CSTF3: variants seen among roughly 807,000 people sequenced by gnomAD.
The protein encoded by CSTF3 is cleavage stimulation factor subunit 3, also known as CF-1 77 kDa subunit.
A neutral mutation model predicts 105.8 loss-of-function variants in CSTF3; 29 were observed. That is an observed-to-expected ratio of 0.27 (90% CI 0.20 to 0.37). The LOEUF is 0.37. Among genes scored for constraint, CSTF3 ranks in the 10% least tolerant of loss-of-function variants. The pLI is 1.00. For synonymous variants in CSTF3, 252 were observed against 281.9 expected (o/e 0.89, Z 1.06); for missense variants, 357 against 879.3 (o/e 0.41, Z 7.51).
Position 33,099,765 on chromosome 11 carries a change from T to G in CSTF3, c.827-48A>C, listed in dbSNP as rs1323969339. ...AATATTCAATTAAAATAATTATTAT[T>G]TGTAAAACTATCAATGTAAATATCA... On this transcript the variant is annotated intron_variant, in intron 10 of 20. Transcript: ENST00000323959. The surrounding 1 kb of genome is among the most constrained non-coding windows in gnomAD (Gnocchi z 4.1). 8.4e-7 allele frequency: 1 copy of G among 1,193,580 alleles called. No individual in the cohort carries two copies. The highest frequency in any genetic ancestry group is 2.7e-5 in the East Asian group (1 of 37,368). 73.9% of individuals were successfully genotyped at this position (1,193,580 alleles called of 1,614,324 possible).
chr11:33,146,269 C>A (rs1383652487), intron 1 of CSTF3, among the ~76,000 whole-genome samples: 2 of 151,818 alleles, frequency 1.3e-5, no homozygotes, highest in Non-Finnish European at 2.9e-5. Flanking sequence ...AGAAACTGAT[C>A]AACGTTTAAT....
intron 15 of CSTF3, among the ~76,000 whole-genome samples, chr11:33,094,054 C>A (rs575050717): frequency 6.6e-6 from 1 of 152,170 alleles, no homozygotes; most frequent in Non-Finnish European, 1.5e-5. Flanking sequence ...CTAGTGACTA[C>A]CATAATTGTG....
intron 3 of CSTF3, among the ~76,000 whole-genome samples, chr11:33,136,853 AC>A (rs1262484391): frequency 6.6e-6 from 1 of 151,760 alleles, no homozygotes; most frequent in East Asian, 1.9e-4. Context: ...TGACTATAAT[AC>A]CCAATATTTT....
chr11:33,134,829 T>C lies in CSTF3; in HGVS notation c.225+6838A>G, dbSNP rs867092540. On this transcript the variant is annotated intron_variant, in intron 3 of 20. Coordinates refer to ENST00000323959, the MANE Select transcript of CSTF3 (RefSeq NM_001326.3). ...CTCAGAAATGGACTGAACCTGACTA[T>C]AGTAAGTTAGAAATAACTGGTTATT... Among the ~76,000 whole-genome samples, 13 of 152,204 alleles carry C rather than the reference T, an allele frequency of 8.5e-5. No homozygotes were observed. In the South Asian group the frequency reaches 2.5e-3, roughly 29 times the overall value.
intron 8 of CSTF3, 41 bp from the exon 9 acceptor site, chr11:33,103,225 C>T: frequency 2.1e-6 from 2 of 957,834 alleles, no homozygotes; most frequent in South Asian, 3.4e-5. Context: ...AGTATAGTTT[C>T]TTAAAAATTA....
chr11:33,098,631 A>T (rs1855248613), intron 13 of CSTF3, 59 bp downstream of exon 13: 4 of 1,002,986 alleles, frequency 4.0e-6, no homozygotes, highest in Non-Finnish European at 6.1e-6. Flanking sequence ...ATAAATTTAA[A>T]TTATTTTTTG....
intron 8 of CSTF3, among the ~76,000 whole-genome samples, chr11:33,104,729 C>T: frequency 6.6e-6 from 1 of 152,140 alleles, no homozygotes; most frequent in East Asian, 1.9e-4. Flanking sequence ...TGTGCCACTG[C>T]ATTCCAGCCT....
At chr11:33,130,885 C>T (rs1314329853) in intron 3 of CSTF3, among the ~76,000 whole-genome samples, 6 of 152,014 alleles carry the variant, frequency 3.9e-5, no homozygotes, top group South Asian at 2.1e-4. Context: ...AAAAATTAGC[C>T]GGGTGTGGTG....
At chr11:33,124,058 A>C (rs867887586) in intron 3 of CSTF3, among the ~76,000 whole-genome samples, 1 of 152,170 alleles carries the variant, frequency 6.6e-6, no homozygotes, top group South Asian at 2.1e-4. Flanking sequence ...TTTGCAAAAA[A>C]TGTACAAATA....
chr11:33,090,548 T>C lies in CSTF3; in HGVS notation c.1625A>G (p.Lys542Arg). 1 of 1,595,616 alleles carries C rather than the reference T, an allele frequency of 6.3e-7. No homozygotes were observed. The highest frequency in any genetic ancestry group is 8.5e-7 in the Non-Finnish European group (1 of 1,173,634). Residue 542 changes from lysine (K) to arginine (R), a missense_variant, in exon 17 of 21, where the codon AAA becomes AGA. By Grantham distance (26) the Lys-to-Arg change is conservative (BLOSUM62 2). Transcript: ENST00000323959. ...AGTACATACCTTATAACCAAGTGCT[T>C]TTAATTCACTTGCAGAGCAAGGATA... ...DLYPCSASEL[K>R]ALGYKDVSRA...
At chr11:33,141,372 T>A in intron 3 of CSTF3, 1 of 970,510 alleles carries the variant, frequency 1.0e-6, no homozygotes. Flanking sequence ...TCTAAATAAA[T>A]GACACAGGAG....
rs774984649 is a variant in CSTF3, at chr11:33,096,296, A to C, written c.1375+10T>G. 24 of 1,486,792 alleles carry C rather than the reference A, an allele frequency of 1.6e-5. No homozygotes were observed. In the East Asian group the frequency reaches 5.7e-4, roughly 35 times the overall value. 92.1% of individuals were successfully genotyped at this position (1,486,792 alleles called of 1,614,324 possible). A position where few individuals can be genotyped will look rare whatever the true frequency, so the allele number is the denominator to read the frequency against. On this transcript the variant is annotated intron_variant, in intron 15 of 20. Transcript: ENST00000323959. ...TTAAGTAATCATTATAGATTCTAGA[A>C]TCAACCTACCATTGAGGTGAGAAAG...
chr11:33,106,046 T>C lies in CSTF3; in HGVS notation c.375A>G (p.Ala125=), dbSNP rs973449127. 6.2e-7 allele frequency: 1 copy of C among 1,612,984 alleles called. No individual in the cohort carries two copies. The highest frequency in any genetic ancestry group is 8.5e-7 in the Non-Finnish European group (1 of 1,179,364). The part of the protein sequence containing the change: ...LPSYKEKMAQ[A]YDFALDKIGM... ...CAATTTTATCCAGTGCAAAGTCATA[T>C]GCTTGAGCCATTTTTTCTCTGAAAT... The change falls in exon 6 of 21, where the codon GCA becomes GCG. Residue 125 remains alanine (A), a synonymous_variant. Coordinates refer to ENST00000323959, the MANE Select transcript of CSTF3 (RefSeq NM_001326.3).
At chr11:33,113,322 T>A (rs1565008385) in intron 3 of CSTF3, among the ~76,000 whole-genome samples, 1 of 152,194 alleles carries the variant, frequency 6.6e-6, no homozygotes, top group Non-Finnish European at 1.5e-5. Flanking sequence ...CTATTAAAAG[T>A]AGTGCATCAT....
At chr11:33,122,323 T>C (rs984997150) in intron 3 of CSTF3, among the ~76,000 whole-genome samples, 1 of 152,180 alleles carries the variant, frequency 6.6e-6, no homozygotes, top group Non-Finnish European at 1.5e-5. Context: ...GATATCTCTA[T>C]ATACATGACC....
intron 3 of CSTF3, 79 bp downstream of exon 3, chr11:33,141,588 C>A (rs1170913875): frequency 2.0e-6 from 3 of 1,490,030 alleles, no homozygotes; most frequent in East Asian, 2.5e-5. Context: ...TCCTAATTGG[C>A]TATGTTCCTA....
intron 1 of CSTF3, among the ~76,000 whole-genome samples, chr11:33,142,221 A>G (rs1189511846): frequency 6.6e-6 from 1 of 152,186 alleles, no homozygotes; most frequent in East Asian, 1.9e-4. Flanking sequence ...TCAGAGAGAA[A>G]AAAAAAAGAC....
At chr11:33,123,646 A>C (rs1855515007) in intron 3 of CSTF3, among the ~76,000 whole-genome samples, 1 of 152,120 alleles carries the variant, frequency 6.6e-6, no homozygotes, top group Admixed American at 6.6e-5. Context: ...GAAACATAGA[A>C]TATTATGTAC....
At chr11:33,134,416 A>G (rs535584411) in intron 3 of CSTF3, 12 of 152,328 alleles carry the variant, frequency 7.9e-5, no homozygotes, top group East Asian at 5.8e-4. Context: ...AAAACCTTCA[A>G]AAATTCTCTT....
Sources: gnomAD v4.1 joint callset for allele counts (sites outside exome capture counted in the v4.1 genomes callset) on GRCh38, gnomAD v4.1.1 for gene constraint, Gnocchi (gnomAD v3.1) non-coding constraint, MANE v1.5 for transcripts, NCBI Gene and HGNC (gene_info 2026-07-23, HGNC 2026-07-21) for gene names.